The following SPAG16 variants were observed in gnomAD, a reference collection of about 807,000 sequenced individuals.
SPAG16 encodes the protein sperm associated antigen 16.
Under a neutral mutation model 80.4 loss-of-function variants are expected in SPAG16, and 86 were observed. That is an observed-to-expected ratio of 1.07 (90% CI 0.90 to 1.28). The LOEUF (loss-of-function observed/expected upper bound fraction) is 1.28, where lower values mean the gene tolerates loss of function less well. Ranked by LOEUF, SPAG16 falls within the 50% of genes most tolerant of loss-of-function variation. SPAG16 has a pLI of 0.00. For missense variants in SPAG16, 870 were observed against 765.3 expected (o/e 1.14, Z -1.61); for synonymous variants, 294 against 265.9 (o/e 1.11, Z -1.03).
chr2:214,090,755 GT>G (rs2052133737), intron 13 of SPAG16, among the ~76,000 whole-genome samples: 1 of 151,886 alleles, frequency 6.6e-6, no homozygotes, highest in South Asian at 2.1e-4. Flanking sequence ...CTTTCTTAGT[GT>G]TTATCACAGT....
chr2:213,604,006 C>T (rs1458606380), intron 10 of SPAG16, among the ~76,000 whole-genome samples: 1 of 151,888 alleles, frequency 6.6e-6, no homozygotes, highest in South Asian at 2.1e-4. Flanking sequence ...TCACTGTATC[C>T]TCTGCCTCCT....
chr2:213,874,633 A>T (rs1438070804), intron 11 of SPAG16, among the ~76,000 whole-genome samples: 1 of 152,160 alleles, frequency 6.6e-6, no homozygotes, highest in Admixed American at 6.6e-5. Flanking sequence ...GCCATATGGC[A>T]TTATGAAGGT....
chr2:213,446,307 G>C (rs2071307240), intron 9 of SPAG16, among the ~76,000 whole-genome samples: 1 of 152,158 alleles, frequency 6.6e-6, no homozygotes, highest in African/African-American at 2.4e-5. Flanking sequence ...AGCTCATCAA[G>C]ATAAAGAAGA....
intron 11 of SPAG16, among the ~76,000 whole-genome samples, chr2:213,882,262 A>G (rs1365825): frequency 0.59 from 90,412 of 152,002 alleles, 28,764 homozygotes; most frequent in South Asian, 0.85. Flanking sequence ...TTGTGTCTAT[A>G]TTCATCAGGG....
intron 10 of SPAG16, among the ~76,000 whole-genome samples, chr2:213,497,955 T>G (rs1202953396): frequency 1.3e-5 from 2 of 152,138 alleles, no homozygotes; most frequent in Non-Finnish European, 2.9e-5. Context: ...TATTTCCTAT[T>G]ACATACTGTA....
chr2:214,275,357 C>T (rs922564053), intron 15 of SPAG16, among the ~76,000 whole-genome samples: 2 of 152,058 alleles, frequency 1.3e-5, no homozygotes, highest in Non-Finnish European at 2.9e-5. Context: ...TTTGTTTGGC[C>T]TTGCTTCTCT....
At chr2:213,751,356 A>G (rs2068069422) in intron 10 of SPAG16, among the ~76,000 whole-genome samples, 2 of 152,128 alleles carry the variant, frequency 1.3e-5, no homozygotes, top group Non-Finnish European at 2.9e-5. Flanking sequence ...ACAGCTGCTA[A>G]TCACGAGAAA....
chr2:213,510,056 A>G (rs1454363013), intron 10 of SPAG16, among the ~76,000 whole-genome samples: 2 of 152,010 alleles, frequency 1.3e-5, no homozygotes, highest in Non-Finnish European at 2.9e-5. Context: ...CAAATAAACT[A>G]GAAAATCTAG....
intron 15 of SPAG16, among the ~76,000 whole-genome samples, chr2:214,159,667 T>G (rs1451652663): frequency 1.3e-5 from 2 of 151,958 alleles, no homozygotes; most frequent in African/African-American, 4.8e-5. Flanking sequence ...AGAAGTATAT[T>G]TTCTCACTTG....
At chr2:213,354,903 A>G (rs2065543704) in intron 7 of SPAG16, among the ~76,000 whole-genome samples, 1 of 152,078 alleles carries the variant, frequency 6.6e-6, no homozygotes. Flanking sequence ...TTTTGTTGCC[A>G]TTGCTTTTGG....
intron 15 of SPAG16, among the ~76,000 whole-genome samples, chr2:214,390,203 T>C (rs563607544): frequency 3.0e-4 from 45 of 152,154 alleles, no homozygotes; most frequent in Non-Finnish European, 5.4e-4. Flanking sequence ...CCTCCAGTAA[T>C]GGCCTCCTTC....
At chr2:214,131,377 A>T (rs1389198025) in intron 14 of SPAG16, among the ~76,000 whole-genome samples, 2 of 94,034 alleles carry the variant, frequency 2.1e-5, no homozygotes, top group Admixed American at 1.0e-4. Context: ...CTCAAAATTA[A>T]AAAAAAAAAA....
intron 13 of SPAG16, among the ~76,000 whole-genome samples, chr2:214,031,615 A>G (rs2048418295): frequency 1.1e-5 from 1 of 88,560 alleles, no homozygotes; most frequent in Non-Finnish European, 2.3e-5. Flanking sequence ...ATAAAATAAA[A>G]TAAAATAAAC....
intron 4 of SPAG16, among the ~76,000 whole-genome samples, chr2:213,310,519 T>G (rs2063145421): frequency 6.6e-6 from 1 of 152,000 alleles, no homozygotes; most frequent in Non-Finnish European, 1.5e-5. Context: ...TTTCCTAATA[T>G]TTTTGTATAA....
chr2:213,563,165 CTTAACA>C (rs1448153564), intron 10 of SPAG16, among the ~76,000 whole-genome samples: 1 of 152,108 alleles, frequency 6.6e-6, no homozygotes, highest in Non-Finnish European at 1.5e-5. Flanking sequence ...ACTTTCAACA[CTTAACA>C]TTAATTTTGG....
intron 9 of SPAG16, among the ~76,000 whole-genome samples, chr2:213,405,279 G>T (rs531988284): frequency 7.9e-5 from 12 of 152,064 alleles, no homozygotes; most frequent in Non-Finnish European, 1.8e-4. Context: ...AAGAATATAA[G>T]TAAATGATTG....
intron 15 of SPAG16, among the ~76,000 whole-genome samples, chr2:214,268,445 T>C (rs866887989): frequency 2.6e-5 from 4 of 151,938 alleles, no homozygotes; most frequent in South Asian, 2.1e-4. Flanking sequence ...GTAATATATT[T>C]ACACAATAGA....
chr2:214,021,118 G>A (rs1040562629), intron 13 of SPAG16, among the ~76,000 whole-genome samples: 1 of 152,098 alleles, frequency 6.6e-6, no homozygotes, highest in Non-Finnish European at 1.5e-5. Flanking sequence ...GTGTTTTGGG[G>A]AGAAAAAGCA....
chr2:213,732,890 C>A (rs1202256376), intron 10 of SPAG16, among the ~76,000 whole-genome samples: 2 of 152,100 alleles, frequency 1.3e-5, no homozygotes, highest in African/African-American at 4.8e-5. Flanking sequence ...TGTGTATATA[C>A]CCAGTAATGG....
Sources: gnomAD v4.1 joint callset for allele counts (sites outside exome capture counted in the v4.1 genomes callset) on GRCh38, gnomAD v4.1.1 for gene constraint, MANE v1.5 for transcripts, NCBI Gene and HGNC (gene_info 2026-07-23, HGNC 2026-07-21) for gene names.